Variants in AGAP1 observed in about 807,000 individuals in gnomAD.
AGAP1 encodes ArfGAP with GTPase domain, ankyrin repeat and PH domain 1, also known as arf-GAP with GTPase, ANK repeat and PH domain-containing protein 1.
A neutral mutation model predicts 105.3 loss-of-function variants in AGAP1; 29 were observed. That is an observed-to-expected ratio of 0.28 (90% confidence interval 0.21 to 0.38). AGAP1 has a LOEUF of 0.38. Among genes scored for constraint, AGAP1 ranks in the 10% least tolerant of loss-of-function variants. The pLI, the probability that AGAP1 is intolerant of heterozygous loss-of-function variation, is 1.00. For synonymous variants in AGAP1, 509 were observed against 485.9 expected, an observed-to-expected ratio of 1.05 and a Z score of -0.63; for missense variants, 998 against 1,165.1, an observed-to-expected ratio of 0.86 and a Z score of 2.09.
intron 1 of AGAP1, among the ~76,000 whole-genome samples, chr2:235,558,184 C>T (rs1452705880): frequency 1.3e-5 from 2 of 152,118 alleles, no homozygotes; most frequent in South Asian, 2.1e-4. Context: ...GGGGATTACT[C>T]GGTTCCGCAT....
chr2:235,518,883 C>T (rs931059397), intron 1 of AGAP1, among the ~76,000 whole-genome samples: 4 of 152,216 alleles, frequency 2.6e-5, no homozygotes, highest in African/African-American at 7.2e-5. Context: ...CCCGCTGCTC[C>T]TGCAGCGGAA....
chr2:236,018,696 C>T (rs1405414881), intron 13 of AGAP1, among the ~76,000 whole-genome samples: 3 of 152,192 alleles, frequency 2.0e-5, no homozygotes, highest in African/African-American at 7.2e-5. Flanking sequence ...TAAGATAGGC[C>T]TCTTCAAATA....
At chr2:235,935,464 A>G (rs1350960093) in intron 12 of AGAP1, among the ~76,000 whole-genome samples, 1 of 152,232 alleles carries the variant, frequency 6.6e-6, no homozygotes, top group African/African-American at 2.4e-5. Context: ...TTTTTGCAGC[A>G]AGAGAGAATA....
intron 9 of AGAP1, among the ~76,000 whole-genome samples, chr2:235,815,737 A>G (rs888145974): frequency 3.9e-5 from 6 of 152,374 alleles, no homozygotes; most frequent in African/African-American, 1.4e-4. Flanking sequence ...ACGAGACTCA[A>G]AGTACTCCGA....
intron 10 of AGAP1, among the ~76,000 whole-genome samples, chr2:235,898,572 GAAC>G: frequency 6.7e-6 from 1 of 148,450 alleles, no homozygotes; most frequent in East Asian, 2.0e-4. Context: ...CCTCAAGTGG[GAAC>G]AACACCTTTA....
In AGAP1 at chr2:235,740,028, C is replaced by G. The variant is rs1952485829; in HGVS notation, c.311-935C>G. 6.6e-6 allele frequency among the ~76,000 whole-genome samples: 1 copy of G among 152,176 alleles called. No homozygotes were observed. The highest frequency in any genetic ancestry group is 2.4e-5 in the African/African-American group (1 of 41,446). ...AGCTGGGAACCGATGCGTGCCTTCCCTCTTTAAAACAAGAGTTTCGAATCC... is the reference window on the plus strand; with the variant it reads ...AGCTGGGAACCGATGCGTGCCTTCCGTCTTTAAAACAAGAGTTTCGAATCC... On this transcript the variant is annotated intron_variant, in intron 3 of 17. Transcript: ENST00000304032. The surrounding 1 kb of genome is among the most constrained non-coding windows in gnomAD (Gnocchi z 5.7).
intron 6 of AGAP1, among the ~76,000 whole-genome samples, chr2:235,758,491 C>T (rs971810458): frequency 6.6e-6 from 1 of 151,976 alleles, no homozygotes; most frequent in Admixed American, 6.6e-5. Context: ...TGCACCTGTA[C>T]TCATCACTGT....
rs1176930651 is a variant in AGAP1, at chr2:236,053,955, T to G, written c.2114+4674T>G. Among the ~76,000 whole-genome samples, 1 of 152,230 alleles carries G rather than the reference T, an allele frequency of 6.6e-6. No homozygotes were observed. The highest frequency in any genetic ancestry group is 1.5e-5 in the Non-Finnish European group (1 of 68,034). ...TTTCTTCCCCCCATTATTTGTAAGT[T>G]CACCTCTGTGCCTAAACTCCCTTCT... On this transcript the variant is annotated intron_variant, in intron 16 of 17. Coordinates refer to ENST00000304032, the MANE Select transcript of AGAP1 (RefSeq NM_001037131.3). The surrounding 1 kb of genome is among the most constrained non-coding windows in gnomAD (Gnocchi z 4.6).
chr2:235,839,385 C>T (rs1960538608), intron 9 of AGAP1, among the ~76,000 whole-genome samples: 1 of 152,274 alleles, frequency 6.6e-6, no homozygotes, highest in Admixed American at 6.5e-5. Flanking sequence ...CTGGGTGGGG[C>T]CCGGGCATCT....
chr2:235,544,472 C>G (rs558516568), intron 1 of AGAP1, among the ~76,000 whole-genome samples: 1 of 152,346 alleles, frequency 6.6e-6, no homozygotes, highest in South Asian at 2.1e-4. Flanking sequence ...GCATCTGAAC[C>G]TTCCCGTGGT....
chr2:235,535,455 G>A lies in AGAP1; in HGVS notation c.163+40606G>A, dbSNP rs1340693929. Among the ~76,000 whole-genome samples, 2 of 151,180 alleles carry A rather than the reference G, an allele frequency of 1.3e-5. No individual in the cohort carries two copies. The highest frequency in any genetic ancestry group is 2.0e-4 in the East Asian group (1 of 5,124). On this transcript the variant is annotated intron_variant, in intron 1 of 17. Coordinates refer to ENST00000304032, the MANE Select transcript of AGAP1 (RefSeq NM_001037131.3). The surrounding 1 kb of genome is among the most constrained non-coding windows in gnomAD (Gnocchi z 5.1). ...TGCCCTTTTTCTTTTTCCCATCGAG[G>A]TGCAGGAGGAATTGATCTTAGGGTA...
intron 16 of AGAP1, among the ~76,000 whole-genome samples, chr2:236,088,387 G>A (rs1225687029): frequency 6.6e-6 from 1 of 152,224 alleles, no homozygotes; most frequent in Non-Finnish European, 1.5e-5. Context: ...TTTGGGTCCT[G>A]GGTTGTCACA....
At chr2:235,735,767 A>C (rs1442143046) in intron 3 of AGAP1, among the ~76,000 whole-genome samples, 3 of 152,098 alleles carry the variant, frequency 2.0e-5, no homozygotes, top group Non-Finnish European at 4.4e-5. Context: ...CTCAAGGGCA[A>C]ACTAAGGCAC....
rs533625465 is a variant in AGAP1, at chr2:235,759,788, G to T, written c.673+9300G>T. Among the ~76,000 whole-genome samples the T allele has an allele frequency of 3.9e-5, 6 of 152,130 alleles. No individual in the cohort carries two copies. In the South Asian group the frequency reaches 8.3e-4, roughly 21 times the overall value. On this transcript the variant is annotated intron_variant, in intron 6 of 17. Transcript: ENST00000304032. ...AACTCCTTTCTTCATATGCATTTTC[G>T]AATTCAGTTCTTAACCAAAGAAGCT...
intron 16 of AGAP1, among the ~76,000 whole-genome samples, chr2:236,069,092 G>A (rs560669048): frequency 1.1e-4 from 17 of 149,028 alleles, no homozygotes; most frequent in African/African-American, 3.7e-4. Flanking sequence ...ACGCTAGTGC[G>A]CTCCAGCCTG....
rs1443101148 is a variant in AGAP1 at position 236,089,233 on chromosome 2, A to G, written c.2115-30959A>G. Among the ~76,000 whole-genome samples the G allele has an allele frequency of 6.6e-6, 1 of 152,214 alleles. No individual in the cohort carries two copies. The highest frequency in any genetic ancestry group is 2.4e-5 in the African/African-American group (1 of 41,444). ...TTGTGTGATTTTTATTTCCCCAAGAAAAAATAAAAAGTTAAAGTCAGTCTA... is the reference window on the plus strand; with the variant it reads ...TTGTGTGATTTTTATTTCCCCAAGAGAAAATAAAAAGTTAAAGTCAGTCTA... On this transcript the variant is annotated intron_variant, in intron 16 of 17. Coordinates refer to ENST00000304032, the MANE Select transcript of AGAP1 (RefSeq NM_001037131.3). This position sits in a 1 kb window ranked among gnomAD's most constrained non-coding sequence, Gnocchi z 5.6.
intron 2 of AGAP1, among the ~76,000 whole-genome samples, chr2:235,717,058 G>A (rs762900613): frequency 6.6e-6 from 1 of 151,902 alleles, no homozygotes; most frequent in Non-Finnish European, 1.5e-5. Flanking sequence ...CCACCCCCAG[G>A]TCTCCCCACA....
intron 12 of AGAP1, among the ~76,000 whole-genome samples, chr2:235,943,909 T>G (rs2053375725): frequency 6.6e-6 from 1 of 152,198 alleles, no homozygotes; most frequent in Non-Finnish European, 1.5e-5. Flanking sequence ...ACATCTTGGC[T>G]TTATTATGTG....
chr2:235,584,846 C>T (rs1051295575), intron 1 of AGAP1, among the ~76,000 whole-genome samples: 25 of 148,428 alleles, frequency 1.7e-4, no homozygotes, highest in Admixed American at 8.8e-4. Flanking sequence ...GTTTTCTCAG[C>T]GGAAACTTGG....
Sources: allele counts gnomAD v4.1 joint callset (sites outside exome capture counted in the v4.1 genomes callset), GRCh38; gene constraint gnomAD v4.1.1; non-coding constraint Gnocchi (gnomAD v3.1); transcripts MANE v1.5; gene names NCBI Gene and HGNC (gene_info 2026-07-23, HGNC 2026-07-21).